Variants in AUTS2 observed in about 807,000 individuals in gnomAD.
AUTS2 encodes activator of transcription and developmental regulator AUTS2, also known as autism susceptibility gene 2 protein.
A neutral mutation model predicts 112.4 loss-of-function variants in AUTS2; 17 were observed. That is an observed-to-expected ratio of 0.15 (90% confidence interval 0.10 to 0.23). AUTS2 has a LOEUF of 0.23. AUTS2 is among the 10% of genes least tolerant of loss of function. The pLI is 1.00. For missense variants in AUTS2, 1,510 were observed against 1,701.6 expected (o/e 0.89, Z 1.98); for synonymous variants, 751 against 702.7 (o/e 1.07, Z -1.09).
intron 1 of AUTS2, among the ~76,000 whole-genome samples, chr7:69,614,369 T>TCTTTCTTTCTTTCTTTCTTTCTTTC (rs1171612271): frequency 4.0e-5 from 1 of 25,102 alleles, no homozygotes; most frequent in Admixed American, 3.8e-4. Context: ...TCTTTCTTTT[T>TCTTTCTTTCTTTCTTTCTTTCTTTC]TTAAGAGATG....
chr7:70,424,194 T>C (rs1421917283), intron 4 of AUTS2, among the ~76,000 whole-genome samples: 1 of 152,184 alleles, frequency 6.6e-6, no homozygotes, highest in African/African-American at 2.4e-5. Context: ...TCAGACTGAA[T>C]GAGCACTTCC....
rs146140775 is a variant in AUTS2, at chr7:69,736,961, A to G, written c.309+136999A>G. Among the ~76,000 whole-genome samples the G allele has an allele frequency of 1.1e-3, 167 of 152,302 alleles. 1 individual carries two copies. The highest frequency in any genetic ancestry group is 1.8e-3 in the Admixed American group (27 of 15,304). On this transcript the variant is annotated intron_variant, in intron 1 of 18. Transcript: ENST00000342771. ...ACATTTAAAGTCCAGGACATTTCAC[A>G]TTTAAAAAAATCCAGATTTAGGGTT...
At chr7:69,704,678 G>GC (rs1372433690) in intron 1 of AUTS2, among the ~76,000 whole-genome samples, 1 of 152,114 alleles carries the variant, frequency 6.6e-6, no homozygotes, top group Non-Finnish European at 1.5e-5. Flanking sequence ...TAGCCACCCT[G>GC]CAGTAGTAGG....
At chr7:69,857,814 C>T (rs1441901158) in intron 1 of AUTS2, among the ~76,000 whole-genome samples, 4 of 148,554 alleles carry the variant, frequency 2.7e-5, no homozygotes, top group African/African-American at 7.5e-5. Context: ...GAGACTCCGT[C>T]TCAAAAAAAA....
At chr7:69,824,396 G>A (rs1224405209) in intron 1 of AUTS2, among the ~76,000 whole-genome samples, 20 of 151,052 alleles carry the variant, frequency 1.3e-4, no homozygotes, top group Non-Finnish European at 2.8e-4. Flanking sequence ...GTGACAGCGC[G>A]AGATTCTGTC....
At chr7:70,524,635 A>ACCCAG (rs1799769281) in intron 5 of AUTS2, among the ~76,000 whole-genome samples, 1 of 152,130 alleles carries the variant, frequency 6.6e-6, no homozygotes, top group South Asian at 2.1e-4. Context: ...GTGAAAGTCA[A>ACCCAG]CCCAGTTTCT....
intron 4 of AUTS2, among the ~76,000 whole-genome samples, chr7:70,337,833 G>C (rs755216799): frequency 2.5e-4 from 38 of 152,336 alleles, no homozygotes; most frequent in African/African-American, 7.9e-4. Context: ...ATGAGGATCA[G>C]TCCCTGAGGC....
chr7:69,813,447 G>A (rs1790630831), intron 1 of AUTS2, among the ~76,000 whole-genome samples: 2 of 152,180 alleles, frequency 1.3e-5, no homozygotes, highest in Non-Finnish European at 1.5e-5. Flanking sequence ...GAGCAGTTGG[G>A]CACTGCTGGG....
At chr7:70,512,275 C>T (rs1350132504) in intron 5 of AUTS2, among the ~76,000 whole-genome samples, 2 of 152,158 alleles carry the variant, frequency 1.3e-5, no homozygotes, top group Non-Finnish European at 2.9e-5. Context: ...GAGGCCTTTG[C>T]GGGGCTTTTT....
intron 6 of AUTS2, among the ~76,000 whole-genome samples, chr7:70,714,665 G>A (rs1394731352): frequency 6.6e-6 from 1 of 152,206 alleles, no homozygotes; most frequent in African/African-American, 2.4e-5. Flanking sequence ...CAGAAACCAG[G>A]TCAGCTGTCC....
intron 5 of AUTS2, among the ~76,000 whole-genome samples, chr7:70,630,295 C>T (rs891190641): frequency 5.9e-5 from 9 of 152,032 alleles, no homozygotes; most frequent in Non-Finnish European, 1.2e-4. Context: ...ATTTTCATCT[C>T]GGTTGTAAAG....
chr7:70,685,027 CTTGG>C (rs1361169104), intron 5 of AUTS2, among the ~76,000 whole-genome samples: 1 of 152,086 alleles, frequency 6.6e-6, no homozygotes, highest in Admixed American at 6.5e-5. Context: ...GGGTTCACTT[CTTGG>C]TTGGTTGATT....
Position 70,633,349 on chromosome 7 carries a change from GGC to G in AUTS2, c.691-65219_691-65218del, listed in dbSNP as rs1805367232. 3.3e-5 allele frequency among the ~76,000 whole-genome samples: 5 copies of G among 152,164 alleles called. No individual in the cohort carries two copies. The South Asian group carries it at 1.0e-3, about 32-fold the overall frequency. ...ACACAGAACATGGGCCAGGTGCAGT[GGC>G]TCACGCCTGTAAGCCCAGCACTTTG... On this transcript the variant is annotated intron_variant, in intron 5 of 18. Coordinates refer to ENST00000342771, the MANE Select transcript of AUTS2 (RefSeq NM_015570.4).
At chr7:70,511,251 G>A (rs11972637) in intron 5 of AUTS2, among the ~76,000 whole-genome samples, 12,249 of 152,122 alleles carry the variant, frequency 0.081, 595 homozygotes, top group African/African-American at 0.12. Context: ...AACTGCCACA[G>A]CAGAGCAAAG....
At chr7:70,485,997 TA>T (rs2116304604) in intron 5 of AUTS2, among the ~76,000 whole-genome samples, 1 of 109,354 alleles carries the variant, frequency 9.1e-6, no homozygotes, top group African/African-American at 3.5e-5. Flanking sequence ...AAAAAATAAA[TA>T]AATAATAAAT....
intron 5 of AUTS2, among the ~76,000 whole-genome samples, chr7:70,635,466 C>G (rs1026427832): frequency 6.6e-6 from 1 of 152,212 alleles, no homozygotes; most frequent in African/African-American, 2.4e-5. Flanking sequence ...CCCCACAGCC[C>G]GTCCCAGGCC....
intron 4 of AUTS2, among the ~76,000 whole-genome samples, chr7:70,348,802 C>G (rs908062439): frequency 4.6e-5 from 7 of 152,114 alleles, no homozygotes; most frequent in Admixed American, 2.0e-4. Context: ...CAGAGCGAGA[C>G]TCCGTCTCAA....
intron 5 of AUTS2, among the ~76,000 whole-genome samples, chr7:70,492,797 C>T (rs973576288): frequency 2.6e-5 from 4 of 152,168 alleles, no homozygotes; most frequent in South Asian, 2.1e-4. Context: ...GAGAACACTC[C>T]GGGCCCACAC....
At chr7:70,148,378 A>G (rs1239875089) in intron 4 of AUTS2, among the ~76,000 whole-genome samples, 1 of 152,146 alleles carries the variant, frequency 6.6e-6, no homozygotes, top group Non-Finnish European at 1.5e-5. Context: ...CACTGACATA[A>G]GACCAACAAT....
Sources: gnomAD v4.1 joint callset for allele counts (sites outside exome capture counted in the v4.1 genomes callset) on GRCh38, gnomAD v4.1.1 for gene constraint, MANE v1.5 for transcripts, NCBI Gene and HGNC (gene_info 2026-07-23, HGNC 2026-07-21) for gene names.